Variants in IQCH observed in about 807,000 individuals in gnomAD.
IQCH encodes IQ motif containing H.
In IQCH, 98 loss-of-function variants were observed where a neutral mutation model predicts 117.0. That is an observed-to-expected ratio of 0.84 (90% CI 0.71 to 0.99). IQCH has a LOEUF of 0.99. IQCH is among the 50% of genes least tolerant of loss of function. The pLI is 0.00. For synonymous variants in IQCH, 412 were observed against 448.2 expected (o/e 0.92, Z 1.02); for missense variants, 1,102 against 1,243.8 (o/e 0.89, Z 1.72).
chr15:67,400,680 G>A (rs58487381), intron 14 of IQCH, among the ~76,000 whole-genome samples: 149,608 of 150,562 alleles, frequency 0.99, 74,340 homozygotes, highest in Non-Finnish European at 1. Flanking sequence ...TTTTTTATTG[G>A]GACGGGGAGG....
At chr15:67,321,121 AT>A (rs1282621195) in intron 4 of IQCH, among the ~76,000 whole-genome samples, 2 of 152,190 alleles carry the variant, frequency 1.3e-5, no homozygotes, top group Non-Finnish European at 2.9e-5. Context: ...ACTTTCCTTC[AT>A]TAGTCACATT....
intron 3 of IQCH, among the ~76,000 whole-genome samples, chr15:67,271,405 G>T (rs920140466): frequency 6.6e-6 from 1 of 152,160 alleles, no homozygotes; most frequent in East Asian, 1.9e-4. Flanking sequence ...TCTGGTTTTG[G>T]TATCAGCATA....
At chr15:67,347,015 T>G (rs1969425860) in intron 6 of IQCH, among the ~76,000 whole-genome samples, 1 of 152,094 alleles carries the variant, frequency 6.6e-6, no homozygotes, top group African/African-American at 2.4e-5. Flanking sequence ...GTTTGTAAGA[T>G]GCAGCTAAAG....
At chr15:67,449,900 T>A (rs1485167315) in intron 16 of IQCH, among the ~76,000 whole-genome samples, 3 of 152,236 alleles carry the variant, frequency 2.0e-5, no homozygotes, top group Non-Finnish European at 2.9e-5. Context: ...TTTTATTTCA[T>A]TGAACAGTGG....
At chr15:67,468,337 A>T (rs1040559981) in intron 17 of IQCH, among the ~76,000 whole-genome samples, 2 of 152,200 alleles carry the variant, frequency 1.3e-5, no homozygotes, top group Admixed American at 6.5e-5. Flanking sequence ...TTAAATTATG[A>T]TGTTAATAAT....
chr15:67,399,063 C>T (rs1971557229), intron 13 of IQCH, among the ~76,000 whole-genome samples: 2 of 152,158 alleles, frequency 1.3e-5, no homozygotes, highest in African/African-American at 4.8e-5. Context: ...AGTGGCTTCT[C>T]TTGCTCCTCT....
At chr15:67,487,091 G>A (rs1483525807) in intron 18 of IQCH, among the ~76,000 whole-genome samples, 2 of 152,242 alleles carry the variant, frequency 1.3e-5, no homozygotes, top group Non-Finnish European at 2.9e-5. Flanking sequence ...CCAGCACTTT[G>A]GGAGGCCAAG....
rs1303320717 is a variant in IQCH, at chr15:67,381,449, C to T, written c.1373-3487C>T. 2.0e-5 allele frequency among the ~76,000 whole-genome samples: 3 copies of T among 152,012 alleles called. No individual in the cohort carries two copies. Among genetic ancestry groups the T allele is most frequent in the African/African-American group, 4.8e-5 (2 of 41,380 alleles). Reference sequence around the variant, plus strand: ...TCTCTATCAAACTAGGAATATTTTGCGGGAAATGAGAATGGCCATAAGAAA... The same window carrying T: ...TCTCTATCAAACTAGGAATATTTTGTGGGAAATGAGAATGGCCATAAGAAA... On this transcript the variant is annotated intron_variant, in intron 10 of 20. Coordinates refer to ENST00000335894, the MANE Select transcript of IQCH (RefSeq NM_001031715.3). This position sits in a 1 kb window ranked among gnomAD's most constrained non-coding sequence, Gnocchi z 5.1.
Position 67,494,302 on chromosome 15 carries a change from G to A in IQCH, c.2906G>A (p.Arg969His), listed in dbSNP as rs573462466. ...CAGGGGGTCCTCATGACCTTTGCTC[G>A]CCATCTCTTCATCATCCATCAAGAA... ...DLQGVLMTFARHLFIIHQEIS... is the reference protein window; with the variant it reads ...DLQGVLMTFAHHLFIIHQEIS... Residue 969 changes from arginine to histidine, a missense_variant, in exon 20 of 21, where the codon CGC (arginine) becomes CAC (histidine). Arg to His is a conservative substitution (Grantham distance 29). Around this residue, in one of 2 missense-constraint regions of IQCH, gnomAD observed 650 missense variants for 794.3 expected, o/e 0.82. Coordinates refer to ENST00000335894, the MANE Select transcript of IQCH (RefSeq NM_001031715.3). The surrounding 1 kb of genome is among the most constrained non-coding windows in gnomAD (Gnocchi z 5.5). The A allele has an allele frequency of 1.6e-5, 26 of 1,612,742 alleles. No individual in the cohort carries two copies. Among genetic ancestry groups the A allele is most frequent in the Middle Eastern group, 1.6e-4 (1 of 6,080 alleles).
At chr15:67,275,555 A>C (rs1350957960) in intron 3 of IQCH, among the ~76,000 whole-genome samples, 1 of 152,164 alleles carries the variant, frequency 6.6e-6, no homozygotes, top group Non-Finnish European at 1.5e-5. Context: ...TCTTAAAAGC[A>C]ATTTTTCAAC....
rs189800887 is a variant in IQCH at position 67,463,989 on chromosome 15, C to T, written c.2506-1138C>T. ...TCCCAAGTATCTGAGATTACAGGCG[C>T]ACGCCACCTTGCCCAGCTAACTTTT... On this transcript the variant is annotated intron_variant, in intron 16 of 20. Transcript: ENST00000335894. The surrounding 1 kb of genome is among the most constrained non-coding windows in gnomAD (Gnocchi z 4.0). Among the ~76,000 whole-genome samples, 5 of 152,244 alleles carry T rather than the reference C, an allele frequency of 3.3e-5. No individual in the cohort carries two copies. The highest frequency in any genetic ancestry group is 2.1e-4 in the South Asian group (1 of 4,822).
At chr15:67,331,462 T>C (rs1003267893) in intron 4 of IQCH, among the ~76,000 whole-genome samples, 1 of 152,018 alleles carries the variant, frequency 6.6e-6, no homozygotes, top group Non-Finnish European at 1.5e-5. Context: ...AAACTATAAA[T>C]ACAATGAACA....
chr15:67,290,623 A>G (rs1033005913), intron 4 of IQCH, among the ~76,000 whole-genome samples: 3 of 152,122 alleles, frequency 2.0e-5, no homozygotes, highest in Admixed American at 6.6e-5. Context: ...TTTTTTGAAT[A>G]GAAGAAATAC....
At position 67,427,460 on chromosome 15, in the gene IQCH, C is replaced by T. The variant is rs1596355210; in HGVS notation, c.2505+5883C>T. The stretch of plus-strand genomic sequence containing the variant: ...TGAACTCCTGGCCTTGAGCCATCCT[C>T]CTGCCTTGGCCTCCCAAAGTGCTTG... On this transcript the variant is annotated intron_variant, in intron 16 of 20. Coordinates refer to ENST00000335894, the MANE Select transcript of IQCH (RefSeq NM_001031715.3). The surrounding 1 kb of genome is among the most constrained non-coding windows in gnomAD (Gnocchi z 4.7). Among the ~76,000 whole-genome samples the T allele has an allele frequency of 6.6e-6, 1 of 151,988 alleles. No homozygotes were observed. Among genetic ancestry groups the T allele is most frequent in the East Asian group, 2.0e-4 (1 of 5,106 alleles).
Position 67,478,995 on chromosome 15 carries a change from G to A in IQCH, c.2799+3177G>A, listed in dbSNP as rs372061278. Among the ~76,000 whole-genome samples the A allele has an allele frequency of 5.5e-5, 8 of 145,840 alleles. No homozygotes were observed. In the East Asian group the frequency reaches 1.3e-3, roughly 24 times the overall value. On this transcript the variant is annotated intron_variant, in intron 18 of 20. Transcript: ENST00000335894. Reference sequence around the variant, plus strand: ...AGAAGTACAAGAAAAGAGGGAAGAAGTTGAGTCACAAAAATTCTCCAGCAG... The same window carrying A: ...AGAAGTACAAGAAAAGAGGGAAGAAATTGAGTCACAAAAATTCTCCAGCAG...
At chr15:67,338,471 T>C (rs1360867697) in intron 5 of IQCH, among the ~76,000 whole-genome samples, 5 of 152,080 alleles carry the variant, frequency 3.3e-5, no homozygotes, top group Non-Finnish European at 7.4e-5. Context: ...ACTATGAATG[T>C]CAGGAAGCCA....
At chr15:67,489,504 C>A (rs2083589300) in intron 18 of IQCH, among the ~76,000 whole-genome samples, 1 of 13,050 alleles carries the variant, frequency 7.7e-5, no homozygotes, top group Non-Finnish European at 1.7e-4. Context: ...ACCATGTTGG[C>A]CAGGCTGGCC....
At chr15:67,321,071 A>G (rs1230355069) in intron 4 of IQCH, among the ~76,000 whole-genome samples, 1 of 152,200 alleles carries the variant, frequency 6.6e-6, no homozygotes, top group African/African-American at 2.4e-5. Context: ...GCTGGATTTC[A>G]TAACAATTTT....
chr15:67,429,183 G>A (rs72747405), intron 16 of IQCH, among the ~76,000 whole-genome samples: 19,763 of 152,174 alleles, frequency 0.13, 1,365 homozygotes, highest in East Asian at 0.2. Context: ...ATAGAGGGTG[G>A]TTGCTATTTT....
Sources: gnomAD v4.1 joint callset for allele counts (sites outside exome capture counted in the v4.1 genomes callset) on GRCh38, gnomAD v4.1.1 for gene constraint, gnomAD v4.1.1 regional missense constraint, Gnocchi (gnomAD v3.1) non-coding constraint, MANE v1.5 for transcripts, NCBI Gene and HGNC (gene_info 2026-07-23, HGNC 2026-07-21) for gene names.